Variants in SFMBT1 observed in about 807,000 individuals in gnomAD.
SFMBT1 encodes scm-like with four MBT domains protein 1.
Under a neutral mutation model 108.7 loss-of-function variants are expected in SFMBT1, and 32 were observed. The observed-to-expected ratio is 0.29, with a 90% confidence interval of 0.22 to 0.40. The LOEUF (loss-of-function observed/expected upper bound fraction) is 0.40. Ranked by LOEUF, SFMBT1 falls within the 10% of genes least tolerant of loss-of-function variation. The probability of loss-of-function intolerance (pLI) is 1.00; values close to 1 mark genes in which losing one functional copy is unlikely to be tolerated. For synonymous variants in SFMBT1, 348 were observed against 369.5 expected (o/e 0.94, Z 0.67); for missense variants, 816 against 1,059.6 (o/e 0.77, Z 3.19).
At position 52,962,808 on chromosome 3, in the gene SFMBT1, C is replaced by CAAAAAAAAAAA. The variant is rs369325114; in HGVS notation, c.28+6282_28+6292dup. Among the ~76,000 whole-genome samples, 319 of 101,330 alleles carry CAAAAAAAAAAA rather than the reference C, an allele frequency of 3.1e-3. 30 individuals are homozygous for CAAAAAAAAAAA. The South Asian group carries it at 0.082, about 26-fold the overall frequency. The allele number at this position is 101,330 out of a possible 152,430, so 66.5% of individuals were successfully genotyped here. ...GGTGACAGAGCAAGGCTCCCTGTCT[C>CAAAAAAAAAAA]AAAAAAAAAAAAAAAAGGAGAGGGA... On this transcript the variant is annotated intron_variant, in intron 2 of 20. Transcript: ENST00000394752.
chr3:52,928,281 G>A lies in SFMBT1; in HGVS notation c.958C>T (p.Arg320Trp), dbSNP rs778562011. The A allele has an allele frequency of 9.3e-6, 15 of 1,613,956 alleles. No individual in the cohort carries two copies. Among genetic ancestry groups the A allele is most frequent in the African/African-American group, 2.7e-5 (2 of 74,894 alleles). ...MDDLRPENHA[R>W]RSFVCHADSP... ...TCGGCGTGGCACACAAAGGATCGCC[G>A]TGCGTGGTTCTCAGGACGCAAGTCA... is the stretch of plus-strand genomic sequence containing the variant. Residue 320 changes from arginine (R) to tryptophan (W), a missense_variant, in exon 9 of 21, where the codon CGG becomes TGG. Around this residue, in one of 5 missense-constraint regions of SFMBT1, gnomAD observed 495 missense variants for 607.4 expected, o/e 0.81. Transcript: ENST00000394752.
At chr3:52,931,577 C>A (rs1020725686) in intron 6 of SFMBT1, among the ~76,000 whole-genome samples, 1 of 152,114 alleles carries the variant, frequency 6.6e-6, no homozygotes, top group Admixed American at 6.6e-5. Context: ...CGGTGTCTCA[C>A]GCCTGTAATC....
chr3:52,908,235 G>C (rs934760754), intron 17 of SFMBT1, among the ~76,000 whole-genome samples: 1 of 151,358 alleles, frequency 6.6e-6, no homozygotes, highest in East Asian at 2.0e-4. Flanking sequence ...CACCATGCCC[G>C]GCTAATTTTT....
At position 52,960,160 on chromosome 3, in the gene SFMBT1, T is replaced by C. The variant is rs182683668; in HGVS notation, c.29-5749A>G. Among the ~76,000 whole-genome samples the C allele has an allele frequency of 4.9e-3, 738 of 151,724 alleles. 8 individuals carry two copies. Among genetic ancestry groups the C allele is most frequent in the Non-Finnish European group, 2.6e-3 (178 of 67,938 alleles). On this transcript the variant is annotated intron_variant, in intron 2 of 20. Transcript: ENST00000394752. ...ACACACATCAAGCAGAAAAGGCAAG[T>C]GCAGAATGAAAAGCACAGCTAGGTT...
intron 1 of SFMBT1, among the ~76,000 whole-genome samples, chr3:53,014,251 T>C (rs529456292): frequency 2.3e-4 from 35 of 152,344 alleles, no homozygotes; most frequent in African/African-American, 7.9e-4. Flanking sequence ...TCATTTCTTC[T>C]TAGGCATTTC....
intron 1 of SFMBT1, among the ~76,000 whole-genome samples, chr3:52,997,306 G>C (rs943468054): frequency 2.0e-5 from 3 of 149,902 alleles, no homozygotes; most frequent in Middle Eastern, 3.4e-3. Flanking sequence ...GGGAGGCCGA[G>C]GGGGGCGGAT....
chr3:52,955,291 T>C (rs1249694008), intron 2 of SFMBT1, among the ~76,000 whole-genome samples: 1 of 151,922 alleles, frequency 6.6e-6, no homozygotes, highest in Non-Finnish European at 1.5e-5. Context: ...CACATGCCTG[T>C]AATCCCAGCT....
Position 52,940,151 on chromosome 3 carries a change from G to T in SFMBT1, c.364+3202C>A, listed in dbSNP as rs1200441816. ...TTCCTACATACGTTAGGATGAGATG[G>T]TAGGCCAGGTGGCTTCATGTCTCTA... is the stretch of plus-strand genomic sequence containing the variant. On this transcript the variant is annotated intron_variant, in intron 4 of 20. Coordinates refer to ENST00000394752, the MANE Select transcript of SFMBT1 (RefSeq NM_016329.4). 2.6e-5 allele frequency among the ~76,000 whole-genome samples: 4 copies of T among 152,220 alleles called. No individual in the cohort carries two copies. The South Asian group carries it at 8.3e-4, about 32-fold the overall frequency.
intron 1 of SFMBT1, among the ~76,000 whole-genome samples, chr3:53,040,094 C>A (rs1196911730): frequency 1.3e-5 from 2 of 152,064 alleles, no homozygotes; most frequent in African/African-American, 2.4e-5. Context: ...TTTAGAAGAA[C>A]CGATCCTTAA....
At chr3:52,982,091 G>A (rs116127816) in intron 1 of SFMBT1, among the ~76,000 whole-genome samples, 66 of 152,138 alleles carry the variant, frequency 4.3e-4, no homozygotes, top group Non-Finnish European at 7.8e-4. Flanking sequence ...GGTGAAGGGC[G>A]TCTACTTGCT....
intron 4 of SFMBT1, among the ~76,000 whole-genome samples, chr3:52,937,172 C>T (rs986822420): frequency 6.6e-6 from 1 of 152,024 alleles, no homozygotes; most frequent in South Asian, 2.1e-4. Context: ...CTTTTGCCTA[C>T]CATATACAAA....
At chr3:52,952,053 C>T (rs187655095) in intron 3 of SFMBT1, among the ~76,000 whole-genome samples, 4 of 152,190 alleles carry the variant, frequency 2.6e-5, no homozygotes, top group Admixed American at 1.3e-4. Flanking sequence ...TTTTTACACA[C>T]GGAAAACTAA....
chr3:53,041,428 G>A (rs1346509701), intron 1 of SFMBT1, among the ~76,000 whole-genome samples: 3 of 151,872 alleles, frequency 2.0e-5, no homozygotes, highest in African/African-American at 7.2e-5. Context: ...CGAGGCGCGG[G>A]GGCTCATGCC....
intron 6 of SFMBT1, 66 bp from the exon 7 acceptor site, chr3:52,931,101 G>T: frequency 7.0e-7 from 1 of 1,431,404 alleles, no homozygotes; most frequent in Non-Finnish European, 9.8e-7. Flanking sequence ...TGTCCTGAAA[G>T]CATTCACATA....
chr3:52,913,384 C>G, intron 15 of SFMBT1, 94 bp downstream of exon 15: 1 of 1,443,848 alleles, frequency 6.9e-7, no homozygotes, highest in Non-Finnish European at 9.3e-7. Context: ...AAACCTAGAA[C>G]TGTCACATCT....
In SFMBT1 at chr3:52,946,470, G is replaced by A. The variant is rs767013769; in HGVS notation, c.124-2877C>T. On this transcript the variant is annotated intron_variant, in intron 3 of 20. Transcript: ENST00000394752. ...TTTTTTGAGTGGAGCTTCTCTTGTC[G>A]AACATTACTTACGAGATTTATTCAT... 7.9e-5 allele frequency among the ~76,000 whole-genome samples: 12 copies of A among 152,262 alleles called. No individual in the cohort carries two copies. The East Asian group carries it at 1.7e-3, about 22-fold the overall frequency.
chr3:53,003,458 T>A (rs1240301073), intron 1 of SFMBT1, among the ~76,000 whole-genome samples: 1 of 150,244 alleles, frequency 6.7e-6, no homozygotes, highest in Admixed American at 6.7e-5. Context: ...TGAACGTGCA[T>A]GAGAGCAAAG....
intron 4 of SFMBT1, among the ~76,000 whole-genome samples, chr3:52,939,584 A>C (rs1263839031): frequency 1.3e-5 from 2 of 152,130 alleles, no homozygotes; most frequent in Non-Finnish European, 2.9e-5. Context: ...TCAAAAAATA[A>C]ATAAATAAAT....
At chr3:52,967,107 C>T (rs1001329730) in intron 2 of SFMBT1, among the ~76,000 whole-genome samples, 3 of 151,958 alleles carry the variant, frequency 2.0e-5, no homozygotes, top group African/African-American at 7.2e-5. Flanking sequence ...AGGAGCCAGT[C>T]TGAAAGAAAT....
Sources: allele counts gnomAD v4.1 joint callset (sites outside exome capture counted in the v4.1 genomes callset), GRCh38; gene constraint gnomAD v4.1.1; regional missense constraint gnomAD v4.1.1; transcripts MANE v1.5; gene names NCBI Gene and HGNC (gene_info 2026-07-23, HGNC 2026-07-21).